The following EXOC4 variants were observed in gnomAD, a reference collection of about 807,000 sequenced individuals.
EXOC4 encodes exocyst complex component 4, also known as SEC8-like 1.
In EXOC4, 71 loss-of-function variants were observed where a neutral mutation model predicts 107.2. The observed-to-expected ratio is 0.66, with a 90% confidence interval of 0.55 to 0.81. The LOEUF (loss-of-function observed/expected upper bound fraction) is 0.81, where lower values mean the gene tolerates loss of function less well. Ranked by LOEUF, EXOC4 falls within the 30% of genes least tolerant of loss-of-function variation. The pLI is 0.00. For synonymous variants in EXOC4, 456 were observed against 441.2 expected, an observed-to-expected ratio of 1.03 and a Z score of -0.42; for missense variants, 1,108 against 1,189.6, an observed-to-expected ratio of 0.93 and a Z score of 1.01.
chr7:133,624,003 G>A (rs1263834250), intron 9 of EXOC4, among the ~76,000 whole-genome samples: 1 of 152,160 alleles, frequency 6.6e-6, no homozygotes, highest in East Asian at 1.9e-4. Flanking sequence ...GCCAATTAAA[G>A]ACCCCATTTA....
intron 7 of EXOC4, among the ~76,000 whole-genome samples, chr7:133,443,409 G>A (rs1216429662): frequency 6.6e-6 from 1 of 152,154 alleles, no homozygotes; most frequent in Non-Finnish European, 1.5e-5. Context: ...GAGAGCAACT[G>A]GATAGCCTTG....
intron 13 of EXOC4, among the ~76,000 whole-genome samples, chr7:133,924,880 A>G (rs527885864): frequency 6.6e-6 from 1 of 152,262 alleles, no homozygotes; most frequent in Non-Finnish European, 1.5e-5. Flanking sequence ...AAAACAAACT[A>G]TATTTGCCTT....
intron 9 of EXOC4, among the ~76,000 whole-genome samples, chr7:133,543,265 T>G (rs1171500666): frequency 6.6e-6 from 1 of 152,082 alleles, no homozygotes; most frequent in Non-Finnish European, 1.5e-5. Flanking sequence ...CTAAGGCAAA[T>G]TTTTAGGTTT....
chr7:133,363,424 T>C (rs1055987034), intron 6 of EXOC4, among the ~76,000 whole-genome samples: 12 of 152,174 alleles, frequency 7.9e-5, no homozygotes, highest in Non-Finnish European at 1.8e-4. Context: ...CCATCACATA[T>C]ACAGTGTCTG....
intron 15 of EXOC4, among the ~76,000 whole-genome samples, chr7:133,998,925 T>G (rs1360635494): frequency 6.6e-6 from 1 of 152,078 alleles, no homozygotes; most frequent in Non-Finnish European, 1.5e-5. Flanking sequence ...GTTGACAGAT[T>G]GTATTGGACA....
chr7:133,431,030 C>T (rs566811491), intron 7 of EXOC4, among the ~76,000 whole-genome samples: 7 of 152,256 alleles, frequency 4.6e-5, no homozygotes, highest in African/African-American at 7.2e-5. Flanking sequence ...TAATCCAACC[C>T]GTTTGTTTCG....
At chr7:133,882,558 A>C (rs1798988403) in intron 11 of EXOC4, among the ~76,000 whole-genome samples, 1 of 152,242 alleles carries the variant, frequency 6.6e-6, no homozygotes, top group African/African-American at 2.4e-5. Flanking sequence ...GTAACAAAGA[A>C]ATAGAAGATG....
At chr7:133,772,304 G>A (rs1287131929) in intron 10 of EXOC4, among the ~76,000 whole-genome samples, 2 of 152,020 alleles carry the variant, frequency 1.3e-5, no homozygotes, top group African/African-American at 2.4e-5. Context: ...CTAACACCTG[G>A]TCTTAAGTGG....
At chr7:133,984,711 C>G (rs1794073615) in intron 14 of EXOC4, among the ~76,000 whole-genome samples, 1 of 152,140 alleles carries the variant, frequency 6.6e-6, no homozygotes, top group African/African-American at 2.4e-5. Context: ...ATGAAATGTG[C>G]TAAGTCCGTA....
intron 17 of EXOC4, among the ~76,000 whole-genome samples, chr7:134,014,864 A>C (rs79372353): frequency 0.21 from 31,457 of 152,002 alleles, 3,784 homozygotes; most frequent in East Asian, 0.42. Flanking sequence ...ATGAGGAGCC[A>C]AAGTTTTATC....
At chr7:133,716,217 G>A (rs951196974) in intron 10 of EXOC4, among the ~76,000 whole-genome samples, 4 of 152,194 alleles carry the variant, frequency 2.6e-5, no homozygotes, top group Non-Finnish European at 5.9e-5. Flanking sequence ...CTTACAATGT[G>A]CAGGGCACTA....
chr7:133,868,170 C>T (rs1235802812), intron 11 of EXOC4, among the ~76,000 whole-genome samples: 2 of 152,104 alleles, frequency 1.3e-5, no homozygotes, highest in African/African-American at 2.4e-5. Context: ...TACCTCTTGG[C>T]TTGAGCTAGG....
chr7:133,353,722 T>C (rs1584844510), intron 5 of EXOC4, among the ~76,000 whole-genome samples: 1 of 152,098 alleles, frequency 6.6e-6, no homozygotes, highest in South Asian at 2.1e-4. Context: ...CTTTAAATAT[T>C]CTCTGCTCTT....
intron 7 of EXOC4, among the ~76,000 whole-genome samples, chr7:133,375,508 T>C (rs556828787): frequency 2.0e-5 from 3 of 152,158 alleles, no homozygotes; most frequent in South Asian, 4.1e-4. Flanking sequence ...TCTTTTTTTT[T>C]TGGCAGACTT....
At chr7:134,048,974 A>G (rs1401628323) in intron 17 of EXOC4, among the ~76,000 whole-genome samples, 2 of 152,002 alleles carry the variant, frequency 1.3e-5, no homozygotes. Flanking sequence ...AGTTGTCATC[A>G]TGTGTGACTT....
chr7:133,333,509 A>G (rs562135468), intron 5 of EXOC4, among the ~76,000 whole-genome samples: 1 of 152,164 alleles, frequency 6.6e-6, no homozygotes, highest in Admixed American at 6.5e-5. Context: ...TGCTGGTGTA[A>G]TGTTGCTGTA....
intron 14 of EXOC4, 124 bp from the exon 15 acceptor site, chr7:133,997,368 A>G: frequency 2.1e-6 from 2 of 969,080 alleles, no homozygotes; most frequent in Middle Eastern, 2.2e-4. Flanking sequence ...TTGGACTTCT[A>G]ATGCTGCCAA....
chr7:133,614,146 C>T (rs1448186545), intron 9 of EXOC4, among the ~76,000 whole-genome samples: 1 of 150,820 alleles, frequency 6.6e-6, no homozygotes, highest in Non-Finnish European at 1.5e-5. Flanking sequence ...GTGCCCTACA[C>T]TGGGGGAAAA....
At chr7:133,903,150 C>G (rs1364626259) in intron 12 of EXOC4, among the ~76,000 whole-genome samples, 1 of 151,856 alleles carries the variant, frequency 6.6e-6, no homozygotes, top group Non-Finnish European at 1.5e-5. Context: ...GTAAAGTGAG[C>G]GAGAGGAGGA....
Sources: allele counts gnomAD v4.1 joint callset (sites outside exome capture counted in the v4.1 genomes callset), GRCh38; gene constraint gnomAD v4.1.1; transcripts MANE v1.5; gene names NCBI Gene and HGNC (gene_info 2026-07-23, HGNC 2026-07-21).